The following TNFAIP2 variants were observed in gnomAD, a reference collection of about 807,000 sequenced individuals.
TNFAIP2 encodes the protein TNF alpha induced protein 2, also known as tumor necrosis factor alpha-induced protein 2.
TNFAIP2 carries 47 observed loss-of-function variants against 63.5 expected under a neutral mutation model. That is an observed-to-expected ratio of 0.74 (90% CI 0.59 to 0.94). The LOEUF (loss-of-function observed/expected upper bound fraction) is 0.94. Among genes scored for constraint, TNFAIP2 ranks in the 40% least tolerant of loss-of-function variants. The pLI is 0.00. For missense variants in TNFAIP2, 787 were observed against 850.2 expected (o/e 0.93, Z 0.92); for synonymous variants, 405 against 390.2 (o/e 1.04, Z -0.45).
At chr14:103,122,198 T>A (rs1016429909), upstream of TNFAIP2, among the ~76,000 whole-genome samples, 2 of 152,124 alleles carry the variant, frequency 1.3e-5, no homozygotes, top group Non-Finnish European at 2.9e-5. Context: ...CCCCCACAGG[T>A]TCCCCAGAGA....
intron 5 of TNFAIP2, 73 bp from the exon 6 acceptor site, chr14:103,130,242 C>G: frequency 6.5e-7 from 1 of 1,528,368 alleles, no homozygotes; most frequent in Admixed American, 2.0e-5. Context: ...TCTGTTCCCG[C>G]CTGTTTCCTC....
At position 103,131,884 on chromosome 14, in the gene TNFAIP2, T is replaced by C; in HGVS notation, c.1422+122T>C. ...GTGGGGAAGACACGCTCCAGGCCTG[T>C]GGACGGCACCGTGGGCCAGCTCTGG... is the stretch of plus-strand genomic sequence containing the variant. On this transcript the variant is annotated intron_variant, in intron 8 of 11. Transcript: ENST00000560869. This position sits in a 1 kb window ranked among gnomAD's most constrained non-coding sequence, Gnocchi z 4.0. 2 of 1,365,102 alleles carry C rather than the reference T, an allele frequency of 1.5e-6. No homozygotes were observed. Among genetic ancestry groups the C allele is most frequent in the Non-Finnish European group, 2.0e-6 (2 of 1,025,638 alleles). 84.6% of individuals were successfully genotyped at this position (1,365,102 alleles called of 1,614,324 possible). A position where few individuals can be genotyped will look rare whatever the true frequency, so the allele number is the denominator to read the frequency against.
In TNFAIP2 at chr14:103,126,655, C is replaced by G. The variant is rs1222992648; in HGVS notation, c.198C>G (p.Ala66=). The G allele has an allele frequency of 1.9e-6, 3 of 1,556,056 alleles. No individual in the cohort carries two copies. In the African/African-American group the frequency reaches 4.1e-5, roughly 21 times the overall value. The part of the protein sequence containing the change: ...QPSSAEPEDA[A]GSRQGLDGPP... ...GCTCAGCGGAGCCCGAGGACGCAGCCGGGTCCAGGCAGGGGCTGGATGGCC... is the reference window on the plus strand; with the variant it reads ...GCTCAGCGGAGCCCGAGGACGCAGCGGGGTCCAGGCAGGGGCTGGATGGCC... The change falls in exon 2 of 12, where the codon GCC becomes GCG. Residue 66 remains alanine, a synonymous_variant. Coordinates refer to ENST00000560869, the MANE Select transcript of TNFAIP2 (RefSeq NM_006291.4).
chr14:103,133,421 G>C lies in TNFAIP2; in HGVS notation c.1605G>C (p.Lys535Asn). Residue 535 changes from lysine to asparagine, a missense_variant, in exon 10 of 12, where the codon AAG becomes AAC. Lys to Asn is a moderately conservative substitution (Grantham distance 94). Transcript: ENST00000560869. ...LVKEYIIQLS[K>N]GRLVLKTAEQ... is the part of the protein sequence containing the mutation. ...AGGAGTACATCATCCAACTCAGCAAGGGGCGCCTGGTCCTCAAGACGGCCG... is the reference window on the plus strand; with the variant it reads ...AGGAGTACATCATCCAACTCAGCAACGGGCGCCTGGTCCTCAAGACGGCCG... The C allele has an allele frequency of 3.7e-6, 6 of 1,613,994 alleles. No homozygotes were observed. Among genetic ancestry groups the C allele is most frequent in the Non-Finnish European group, 5.1e-6 (6 of 1,180,026 alleles).
intron 9 of TNFAIP2, 60 bp from the exon 10 acceptor site, chr14:103,133,302 G>A: frequency 1.3e-6 from 2 of 1,579,274 alleles, no homozygotes; most frequent in South Asian, 1.2e-5. Context: ...GGCTTCAAGG[G>A]AGGTGGCGAG....
At chr14:103,129,917 CAG>C in intron 4 of TNFAIP2, 63 bp downstream of exon 4, 1 of 1,607,376 alleles carries the variant, frequency 6.2e-7, no homozygotes, top group Non-Finnish European at 8.5e-7. Flanking sequence ...CGGAGACAGA[CAG>C]GACATGGGCA....
chr14:103,123,322 A>T (rs2087784527), upstream of TNFAIP2: 1 of 152,544 alleles, frequency 6.6e-6, no homozygotes, highest in South Asian at 1.9e-4. Context: ...CCTGGGACGC[A>T]GGGACACAGC....
Position 103,127,264 on chromosome 14 carries a change from C to T in TNFAIP2, c.495C>T (p.Asp165=), listed in dbSNP as rs977300590. 34 of 1,005,444 alleles carry T rather than the reference C, an allele frequency of 3.4e-5. No individual in the cohort carries two copies. The highest frequency in any genetic ancestry group is 6.1e-5 in the Admixed American group (1 of 16,312). The allele number at this position is 1,005,444 out of a possible 1,614,324, so 62.3% of individuals were successfully genotyped here. Residue 165 remains aspartate, a synonymous_variant, in exon 3 of 12, where the codon GAC becomes GAT. Transcript: ENST00000560869. This position sits in a 1 kb window ranked among gnomAD's most constrained non-coding sequence, Gnocchi z 5.1. ...LAVVAEQERE[D]RQAAAAGPGT... Reference sequence around the variant, plus strand: ...TGGTGGCGGAGCAGGAGCGCGAGGACCGCCAGGCGGCGGCGGCGGGGCCGG... The same window carrying T: ...TGGTGGCGGAGCAGGAGCGCGAGGATCGCCAGGCGGCGGCGGCGGGGCCGG...
At chr14:103,130,163 C>T (rs1208158729) in intron 5 of TNFAIP2, 39 bp downstream of exon 5, 1 of 1,596,578 alleles carries the variant, frequency 6.3e-7, no homozygotes, top group Non-Finnish European at 8.6e-7. Context: ...ACCGCCCGTG[C>T]ACGTGCATGG....
Position 103,133,476 on chromosome 14 carries a change from C to T in TNFAIP2, c.1660C>T (p.Leu554=). 2 of 1,613,948 alleles carry T rather than the reference C, an allele frequency of 1.2e-6. No individual in the cohort carries two copies. Among genetic ancestry groups the T allele is most frequent in the Non-Finnish European group, 1.7e-6 (2 of 1,180,030 alleles). ...GCAGCAGCAGCTGGCTGGGTACATC[C>T]TGGCCAATGCTGACACCATCCAGCA... The part of the protein sequence containing the change: ...EQQQQLAGYI[L]ANADTIQHFC... Residue 554 remains leucine (L), a synonymous_variant, in exon 10 of 12, where the codon CTG becomes TTG. Coordinates refer to ENST00000560869, the MANE Select transcript of TNFAIP2 (RefSeq NM_006291.4).
In TNFAIP2 at chr14:103,135,990, C is replaced by T. The variant is rs549968035; in HGVS notation, c.*630C>T. ...CCACGGCCCCTACAGGCTGGCCCTG[C>T]AATGGGGCCCTGAGCCCTCCCTCTT... On this transcript the variant is annotated 3_prime_UTR_variant, in exon 12 of 12. Coordinates refer to ENST00000560869, the MANE Select transcript of TNFAIP2 (RefSeq NM_006291.4). The surrounding 1 kb of genome is among the most constrained non-coding windows in gnomAD (Gnocchi z 7.6). 3.6e-5 allele frequency: 47 copies of T among 1,288,772 alleles called. 1 individual carries two copies. The highest frequency in any genetic ancestry group is 2.2e-4 in the Middle Eastern group (1 of 4,526). The allele number at this position is 1,288,772 out of a possible 1,614,324, so 79.8% of individuals were successfully genotyped here. A position where few individuals can be genotyped will look rare whatever the true frequency, so the allele number is the denominator to read the frequency against.
Position 103,136,178 on chromosome 14 carries a change from G to T in TNFAIP2, c.*818G>T, listed in dbSNP as rs2088091607. ...CCTGCCACCCAGAAGTCTGGCTGAG[G>T]TCTGGGCAGGGGCAGGGCAAGCTTG... On this transcript the variant is annotated 3_prime_UTR_variant, in exon 12 of 12. Transcript: ENST00000560869. 6.3e-6 allele frequency: 3 copies of T among 473,216 alleles called. No homozygotes were observed. The highest frequency in any genetic ancestry group is 1.5e-4 in the East Asian group (2 of 13,330). 29.3% of individuals were successfully genotyped at this position (473,216 alleles called of 1,614,324 possible).
rs754873405 is a variant in TNFAIP2 at position 103,132,745 on chromosome 14, C to A, written c.1423-5C>A. The A allele has an allele frequency of 6.2e-7, 1 of 1,612,268 alleles. No homozygotes were observed. Among genetic ancestry groups the A allele is most frequent in the South Asian group, 1.1e-5 (1 of 90,576 alleles). On this transcript the variant is annotated splice_polypyrimidine_tract_variant and splice_region_variant and intron_variant, in intron 8 of 11. Transcript: ENST00000560869. The stretch of plus-strand genomic sequence containing the variant: ...TGACTAGACATCCTGCCTCTCCTGT[C>A]TCAGCCACTGTTCAAGAGGTTCACG...
rs1185220936 is a variant in TNFAIP2 at position 103,135,514 on chromosome 14, G to T, written c.*154G>T. Reference sequence around the variant, plus strand: ...TAGCCCTGGCGGAGGTGCAGGCCCTGTCAGCTGGAACTGGACAGACCTTGG... The same window carrying T: ...TAGCCCTGGCGGAGGTGCAGGCCCTTTCAGCTGGAACTGGACAGACCTTGG... On this transcript the variant is annotated 3_prime_UTR_variant, in exon 12 of 12. Coordinates refer to ENST00000560869, the MANE Select transcript of TNFAIP2 (RefSeq NM_006291.4). This position sits in a 1 kb window ranked among gnomAD's most constrained non-coding sequence, Gnocchi z 7.6. The T allele has an allele frequency of 6.7e-6, 10 of 1,488,042 alleles. No homozygotes were observed. In the East Asian group the frequency reaches 2.3e-4, roughly 34 times the overall value. The allele number at this position is 1,488,042 out of a possible 1,614,324, so 92.2% of individuals were successfully genotyped here.
chr14:103,122,582 C>T (rs1409344658), upstream of TNFAIP2: 2 of 443,012 alleles, frequency 4.5e-6, no homozygotes, highest in African/African-American at 4.0e-5. Context: ...CCCCACATGC[C>T]CCACCCCCAC....
intron 1 of TNFAIP2, 49 bp from the exon 2 acceptor site, chr14:103,126,261 C>G: frequency 1.9e-6 from 1 of 539,322 alleles, no homozygotes; most frequent in East Asian, 3.2e-5. Context: ...AGCCTGGGAG[C>G]CAGGGCCGGT....
intron 3 of TNFAIP2, among the ~76,000 whole-genome samples, chr14:103,129,380 A>G (rs935182475): frequency 2.0e-5 from 3 of 151,816 alleles, no homozygotes; most frequent in African/African-American, 7.3e-5. Flanking sequence ...GAGGTGAGGG[A>G]AGGAGCAGAG....
Position 103,131,491 on chromosome 14 carries a change from T to C in TNFAIP2, c.1299-148T>C, listed in dbSNP as rs1293984088. The C allele has an allele frequency of 1.7e-6, 2 of 1,160,982 alleles. No homozygotes were observed. Among genetic ancestry groups the C allele is most frequent in the East Asian group, 5.2e-5 (2 of 38,460 alleles). The allele number at this position is 1,160,982 out of a possible 1,614,324, so 71.9% of individuals were successfully genotyped here. On this transcript the variant is annotated intron_variant, in intron 7 of 11. Coordinates refer to ENST00000560869, the MANE Select transcript of TNFAIP2 (RefSeq NM_006291.4). This position sits in a 1 kb window ranked among gnomAD's most constrained non-coding sequence, Gnocchi z 4.0. ...GTAGTGGAGGAGTGTCCTGAGGGCA[T>C]GGAGAACATGGATGGGAGGACTTGA...
At chr14:103,130,561 A>T in intron 6 of TNFAIP2, 146 bp downstream of exon 6, 1 of 821,730 alleles carries the variant, frequency 1.2e-6, no homozygotes. Context: ...TTTCCCACTC[A>T]GCCAGGGCAC....
Sources: gnomAD v4.1 joint callset for allele counts (sites outside exome capture counted in the v4.1 genomes callset) on GRCh38, gnomAD v4.1.1 for gene constraint, Gnocchi (gnomAD v3.1) non-coding constraint, MANE v1.5 for transcripts, NCBI Gene and HGNC (gene_info 2026-07-23, HGNC 2026-07-21) for gene names.